KCNK9: variants seen among roughly 807,000 people sequenced by gnomAD.
KCNK9 encodes the protein potassium two pore domain channel subfamily K member 9.
A neutral mutation model predicts 10.8 loss-of-function variants in KCNK9; 1 was observed. The ratio of observed to expected loss-of-function variants is 0.09; its 90% CI spans 0.03 to 0.44. The LOEUF (loss-of-function observed/expected upper bound fraction) is 0.44, where lower values mean the gene tolerates loss of function less well. Ranked by LOEUF, KCNK9 falls within the 20% of genes least tolerant of loss-of-function variation. The pLI is 0.97. For missense variants in KCNK9, 303 were observed against 515.0 expected (o/e 0.59, Z 3.98); for synonymous variants, 231 against 222.7 (o/e 1.04, Z -0.33).
At chr8:139,627,694 C>T (rs146092212) in intron 1 of KCNK9, among the ~76,000 whole-genome samples, 2 of 152,370 alleles carry the variant, frequency 1.3e-5, no homozygotes, top group Admixed American at 1.3e-4. Flanking sequence ...TAACACCCAA[C>T]CTGGAGTATA....
chr8:139,671,620 C>T (rs949355053), intron 1 of KCNK9, among the ~76,000 whole-genome samples: 5 of 151,816 alleles, frequency 3.3e-5, no homozygotes, highest in East Asian at 1.9e-4. Context: ...AAGCGATAAG[C>T]GATTATCCTG....
Position 139,677,783 on chromosome 8 carries a change from T to G in KCNK9, c.283+24927A>C, listed in dbSNP as rs527725176. 2.7e-4 allele frequency among the ~76,000 whole-genome samples: 36 copies of G among 135,734 alleles called. 1 individual carries two copies. Among genetic ancestry groups the G allele is most frequent in the African/African-American group, 1.1e-3 (35 of 30,676 alleles). The allele number at this position is 135,734 out of a possible 152,430, so 89.0% of individuals were successfully genotyped here. Reference sequence around the variant, plus strand: ...CACATCTGATCCCAATGTGTCCCCATGGCTGCAGAGTAATACCTCACCTCC... The same window carrying G: ...CACATCTGATCCCAATGTGTCCCCAGGGCTGCAGAGTAATACCTCACCTCC... On this transcript the variant is annotated intron_variant, in intron 1 of 1. Coordinates refer to ENST00000520439, the MANE Select transcript of KCNK9 (RefSeq NM_001282534.2).
intron 1 of KCNK9, among the ~76,000 whole-genome samples, chr8:139,623,342 C>T (rs1263629274): frequency 6.6e-6 from 1 of 152,190 alleles, no homozygotes; most frequent in East Asian, 1.9e-4. Context: ...CATTCATCTA[C>T]TCATACATTA....
chr8:139,668,948 C>T (rs1248834022), intron 1 of KCNK9, among the ~76,000 whole-genome samples: 3 of 152,152 alleles, frequency 2.0e-5, no homozygotes, highest in African/African-American at 7.2e-5. Context: ...CAGTTTCGGT[C>T]TAAGACACCA....
intron 1 of KCNK9, among the ~76,000 whole-genome samples, chr8:139,655,749 G>A (rs1816005003): frequency 6.6e-6 from 1 of 152,218 alleles, no homozygotes; most frequent in Non-Finnish European, 1.5e-5. Flanking sequence ...TCCCCACTCA[G>A]GGGCTCTGCC....
chr8:139,687,607 TATGTATACATATATATTCATATGTATAC>T (rs1816841288), intron 1 of KCNK9, among the ~76,000 whole-genome samples: 1 of 80,202 alleles, frequency 1.2e-5, no homozygotes, highest in Non-Finnish European at 2.7e-5. Context: ...TATGTATACA[TATGTATACATATATATTCATATGTATAC>T]ATATGTATAC....
chr8:139,679,687 G>A (rs1816641414), intron 1 of KCNK9, among the ~76,000 whole-genome samples: 1 of 152,208 alleles, frequency 6.6e-6, no homozygotes, highest in Admixed American at 6.5e-5. Flanking sequence ...GTATGAGAGG[G>A]TCAGGATTCA....
At chr8:139,627,312 G>A (rs925611760) in intron 1 of KCNK9, among the ~76,000 whole-genome samples, 3 of 152,122 alleles carry the variant, frequency 2.0e-5, no homozygotes, top group Non-Finnish European at 2.9e-5. Flanking sequence ...TTTCTACTGG[G>A]CACCACACAC....
At chr8:139,651,506 G>T (rs933411360) in intron 1 of KCNK9, among the ~76,000 whole-genome samples, 6 of 152,194 alleles carry the variant, frequency 3.9e-5, no homozygotes, top group African/African-American at 4.8e-5. Flanking sequence ...ATACTGTGAG[G>T]GTTTGGAGCA....
chr8:139,672,756 C>T (rs536759794), intron 1 of KCNK9, among the ~76,000 whole-genome samples: 60 of 152,270 alleles, frequency 3.9e-4, no homozygotes, highest in Middle Eastern at 3.4e-3. Flanking sequence ...AGACAGGAGC[C>T]GCATGGGAAG....
intron 1 of KCNK9, among the ~76,000 whole-genome samples, chr8:139,631,042 G>A (rs569012675): frequency 6.6e-6 from 1 of 152,360 alleles, no homozygotes; most frequent in East Asian, 1.9e-4. Flanking sequence ...GAGAGGCAAC[G>A]GCGCCCTCTG....
Position 139,617,561 on chromosome 8 carries a change from G to C in KCNK9, c.*697C>G, listed in dbSNP as rs1041907660. On this transcript the variant is annotated 3_prime_UTR_variant, in exon 2 of 2. Coordinates refer to ENST00000520439, the MANE Select transcript of KCNK9 (RefSeq NM_001282534.2). ...AAACATTAATATAATTTAGAACCTA[G>C]CATTTAGAAAATATGGCCATGACAC... Among the ~76,000 whole-genome samples the C allele has an allele frequency of 6.6e-6, 1 of 152,106 alleles. No homozygotes were observed. Among genetic ancestry groups the C allele is most frequent in the South Asian group, 2.1e-4 (1 of 4,826 alleles).
intron 1 of KCNK9, among the ~76,000 whole-genome samples, chr8:139,633,908 A>G (rs1027229620): frequency 3.3e-5 from 5 of 152,244 alleles, no homozygotes; most frequent in African/African-American, 7.2e-5. Context: ...CAGCCTTTCA[A>G]TCTGCCCTTT....
downstream of KCNK9, among the ~76,000 whole-genome samples, chr8:139,608,922 G>A (rs546238350): frequency 5.9e-5 from 9 of 152,252 alleles, no homozygotes; most frequent in South Asian, 2.1e-4. Flanking sequence ...TGGCAGACTC[G>A]GCACATCTTT....
intron 1 of KCNK9, among the ~76,000 whole-genome samples, chr8:139,630,095 G>C (rs1281995695): frequency 6.6e-6 from 1 of 152,108 alleles, no homozygotes; most frequent in Non-Finnish European, 1.5e-5. Context: ...GAAAGGGTAA[G>C]GGGTTTCTTT....
rs1013761465 is a variant in KCNK9 at position 139,617,739 on chromosome 8, TC to T, written c.*518del. Among the ~76,000 whole-genome samples the T allele has an allele frequency of 6.6e-6, 1 of 152,078 alleles. No homozygotes were observed. Among genetic ancestry groups the T allele is most frequent in the Non-Finnish European group, 1.5e-5 (1 of 68,018 alleles). ...GAAAGAAAACGGAATACCTAATACT[TC>T]CCGTTTTGTCACGACACACGTGCAC... On this transcript the variant is annotated 3_prime_UTR_variant, in exon 2 of 2. Coordinates refer to ENST00000520439, the MANE Select transcript of KCNK9 (RefSeq NM_001282534.2).
chr8:139,650,536 CT>C (rs1159421071), intron 1 of KCNK9, among the ~76,000 whole-genome samples: 1 of 152,150 alleles, frequency 6.6e-6, no homozygotes, highest in African/African-American at 2.4e-5. Flanking sequence ...CCTCATCCCC[CT>C]GTCCCTCCCT....
intron 1 of KCNK9, among the ~76,000 whole-genome samples, chr8:139,651,238 C>T (rs1815852434): frequency 6.6e-6 from 1 of 152,204 alleles, no homozygotes; most frequent in South Asian, 2.1e-4. Flanking sequence ...ATTCAACCTG[C>T]ACAGTCAGAA....
At chr8:139,627,416 G>C (rs1162528964) in intron 1 of KCNK9, among the ~76,000 whole-genome samples, 1 of 152,212 alleles carries the variant, frequency 6.6e-6, no homozygotes, top group East Asian at 1.9e-4. Flanking sequence ...GGCTTGACTG[G>C]TGACTCAAAG....
Sources: gnomAD v4.1 joint callset for allele counts (sites outside exome capture counted in the v4.1 genomes callset) on GRCh38, gnomAD v4.1.1 for gene constraint, MANE v1.5 for transcripts, NCBI Gene and HGNC (gene_info 2026-07-23, HGNC 2026-07-21) for gene names.